Variants in PTPRO observed in about 807,000 individuals in gnomAD.
The protein encoded by PTPRO is receptor-type tyrosine-protein phosphatase O.
In PTPRO, 62 loss-of-function variants were observed where a neutral mutation model predicts 145.2. That is an observed-to-expected ratio of 0.43 (90% CI 0.35 to 0.53). The LOEUF (loss-of-function observed/expected upper bound fraction) is 0.53, where lower values mean the gene tolerates loss of function less well. PTPRO is among the 20% of genes least tolerant of loss of function. The pLI is 0.01. For missense variants in PTPRO, 1,345 were observed against 1,482.7 expected, an observed-to-expected ratio of 0.91 and a Z score of 1.53; for synonymous variants, 565 against 514.7, an observed-to-expected ratio of 1.10 and a Z score of -1.32.
chr12:15,439,226 G>A (rs143419367), intron 1 of PTPRO, among the ~76,000 whole-genome samples: 94 of 152,258 alleles, frequency 6.2e-4, no homozygotes, highest in African/African-American at 2.2e-3. Flanking sequence ...CAAGTCCTAG[G>A]GGAATTCATT....
chr12:15,565,689 A>G, intron 18 of PTPRO, 61 bp downstream of exon 18: 2 of 1,183,380 alleles, frequency 1.7e-6, no homozygotes, highest in South Asian at 1.3e-5. Flanking sequence ...TAACGTTCCA[A>G]TTAAAGATTG....
chr12:15,341,705 T>A (rs1350019019), intron 1 of PTPRO, among the ~76,000 whole-genome samples: 1 of 152,200 alleles, frequency 6.6e-6, no homozygotes, highest in African/African-American at 2.4e-5. Context: ...AATGTGCATA[T>A]CTTCTGAGGT....
intron 2 of PTPRO, among the ~76,000 whole-genome samples, chr12:15,490,538 G>A (rs1006591533): frequency 4.6e-5 from 7 of 152,108 alleles, no homozygotes; most frequent in Non-Finnish European, 1.0e-4. Flanking sequence ...AAATGTAAAA[G>A]CCTTTCTTAG....
intron 2 of PTPRO, among the ~76,000 whole-genome samples, chr12:15,485,548 A>T (rs1017470113): frequency 6.6e-6 from 1 of 152,144 alleles, no homozygotes; most frequent in Non-Finnish European, 1.5e-5. Flanking sequence ...ATATTAGTAC[A>T]ATTTAGTTGA....
intron 1 of PTPRO, among the ~76,000 whole-genome samples, chr12:15,347,391 T>C (rs1424276585): frequency 6.6e-6 from 1 of 152,226 alleles, no homozygotes; most frequent in Non-Finnish European, 1.5e-5. Flanking sequence ...ATATTTATAT[T>C]CCCAACCAGG....
intron 1 of PTPRO, among the ~76,000 whole-genome samples, chr12:15,400,726 A>G (rs1007321467): frequency 6.6e-6 from 1 of 152,236 alleles, no homozygotes; most frequent in African/African-American, 2.4e-5. Context: ...CACCTATTTT[A>G]CACTGGGTAC....
chr12:15,573,919 A>C (rs1307244694), intron 19 of PTPRO, among the ~76,000 whole-genome samples: 1 of 152,224 alleles, frequency 6.6e-6, no homozygotes, highest in African/African-American at 2.4e-5. Flanking sequence ...AAGGAAAAAA[A>C]TGTTCCTAAC....
chr12:15,416,351 G>C (rs955652696), intron 1 of PTPRO, among the ~76,000 whole-genome samples: 1 of 141,088 alleles, frequency 7.1e-6, no homozygotes, highest in South Asian at 2.2e-4. Flanking sequence ...ACAGAGTCTC[G>C]CTCTGTCGCC....
intron 3 of PTPRO, 64 bp downstream of exon 3, chr12:15,497,467 T>C: frequency 6.6e-7 from 1 of 1,516,462 alleles, no homozygotes; most frequent in Non-Finnish European, 9.1e-7. Context: ...TTTTCCCAAA[T>C]GATGTTCTCT....
chr12:15,459,790 A>G (rs554835004), intron 1 of PTPRO, among the ~76,000 whole-genome samples: 125 of 152,334 alleles, frequency 8.2e-4, no homozygotes, highest in Non-Finnish European at 1.5e-3. Flanking sequence ...CTGAACACCA[A>G]GTTGACAAAA....
At chr12:15,476,614 G>C (rs981929486) in intron 1 of PTPRO, among the ~76,000 whole-genome samples, 1 of 151,230 alleles carries the variant, frequency 6.6e-6, no homozygotes, top group Non-Finnish European at 1.5e-5. Flanking sequence ...CATTGCTTTT[G>C]GTGTTTTGGA....
intron 1 of PTPRO, among the ~76,000 whole-genome samples, chr12:15,371,946 TC>T (rs1413595364): frequency 6.6e-6 from 1 of 152,166 alleles, no homozygotes; most frequent in Non-Finnish European, 1.5e-5. Context: ...CTGAGGCCTC[TC>T]CAGTCATGCT....
chr12:15,516,617 GGAAGGAAGGAAGGAAGGA>G, intron 8 of PTPRO, 128 bp from the exon 9 acceptor site: 1 of 675,108 alleles, frequency 1.5e-6, no homozygotes, highest in African/African-American at 1.9e-5. Flanking sequence ...AAGGGAGGAA[GGAAGGAAGGAAGGAAGGA>G]AGGGAGGGAG....
intron 1 of PTPRO, among the ~76,000 whole-genome samples, chr12:15,325,877 A>C (rs1866430725): frequency 2.6e-5 from 4 of 152,146 alleles, no homozygotes; most frequent in Admixed American, 2.6e-4. Flanking sequence ...TCCTAAACTC[A>C]AGTGCTTGGC....
intron 12 of PTPRO, among the ~76,000 whole-genome samples, chr12:15,531,795 A>C (rs994366089): frequency 1.3e-5 from 2 of 152,216 alleles, no homozygotes; most frequent in Admixed American, 6.5e-5. Flanking sequence ...AAGTTTATCT[A>C]ATGGCAATAA....
chr12:15,456,354 C>T (rs1941177515), intron 1 of PTPRO, among the ~76,000 whole-genome samples: 2 of 152,162 alleles, frequency 1.3e-5, no homozygotes, highest in Non-Finnish European at 1.5e-5. Context: ...TTTTAATATG[C>T]TGTTGTATTT....
chr12:15,402,167 A>G (rs1227925568), intron 1 of PTPRO, among the ~76,000 whole-genome samples: 1 of 152,154 alleles, frequency 6.6e-6, no homozygotes, highest in Non-Finnish European at 1.5e-5. Context: ...AGGCAGGCGG[A>G]TCATGAGGCC....
chr12:15,348,586 G>T (rs1262110525), intron 1 of PTPRO: 2 of 152,066 alleles, frequency 1.3e-5, no homozygotes, highest in African/African-American at 2.4e-5. Context: ...GTGAAACCCC[G>T]TCTCTACTAA....
At chr12:15,385,061 A>T (rs1458964979) in intron 1 of PTPRO, among the ~76,000 whole-genome samples, 1 of 152,236 alleles carries the variant, frequency 6.6e-6, no homozygotes, top group African/African-American at 2.4e-5. Flanking sequence ...AATAAGTTAG[A>T]TTAAATTATT....
Sources: gnomAD v4.1 joint callset for allele counts (sites outside exome capture counted in the v4.1 genomes callset) on GRCh38, gnomAD v4.1.1 for gene constraint, MANE v1.5 for transcripts, NCBI Gene and HGNC (gene_info 2026-07-23, HGNC 2026-07-21) for gene names.